PCDH15: variants seen among roughly 807,000 people sequenced by gnomAD.
PCDH15 encodes protocadherin-15.
In PCDH15, 129 loss-of-function variants were observed where a neutral mutation model predicts 178.5. The ratio of observed to expected loss-of-function variants is 0.72; its 90% CI spans 0.63 to 0.84. The LOEUF is 0.84. Ranked by LOEUF, PCDH15 falls within the 40% of genes least tolerant of loss-of-function variation. The pLI is 0.00. For synonymous variants in PCDH15, 800 were observed against 732.0 expected, an observed-to-expected ratio of 1.09 and a Z score of -1.50; for missense variants, 2,230 against 2,099.9, an observed-to-expected ratio of 1.06 and a Z score of -1.21.
chr10:55,331,731 C>G (rs1844204581), intron 2 of PCDH15, among the ~76,000 whole-genome samples: 2 of 152,132 alleles, frequency 1.3e-5, no homozygotes, highest in African/African-American at 4.8e-5. Flanking sequence ...AAAGAGTGGC[C>G]TTTGTGAACA....
intron 18 of PCDH15, among the ~76,000 whole-genome samples, chr10:54,035,010 A>G (rs568249031): frequency 2.0e-4 from 31 of 152,012 alleles, no homozygotes; most frequent in African/African-American, 7.5e-4. Flanking sequence ...CTTCATTTGG[A>G]TGCCATTCCT....
At chr10:54,146,950 G>GTATATATATAATGTATATATATAGTGTA (rs2044010196) in intron 14 of PCDH15, among the ~76,000 whole-genome samples, 1 of 78,472 alleles carries the variant, frequency 1.3e-5, no homozygotes, top group Non-Finnish European at 2.4e-5. Flanking sequence ...TATATATAGT[G>GTATATATATAATGTATATATATAGTGTA]TATATATATA....
intron 15 of PCDH15, among the ~76,000 whole-genome samples, chr10:54,095,564 A>G (rs1031883106): frequency 3.9e-5 from 6 of 152,156 alleles, no homozygotes. Flanking sequence ...GCCATAAAAC[A>G]GCTCTTTTTC....
At chr10:54,135,933 A>T (rs2042866854) in intron 14 of PCDH15, among the ~76,000 whole-genome samples, 1 of 152,220 alleles carries the variant, frequency 6.6e-6, no homozygotes, top group Non-Finnish European at 1.5e-5. Flanking sequence ...GTACATGTAT[A>T]CATATATATG....
At chr10:55,508,953 G>GCAAA (rs1554879049) in intron 2 of PCDH15, among the ~76,000 whole-genome samples, 4 of 150,976 alleles carry the variant, frequency 2.6e-5, no homozygotes, top group Non-Finnish European at 5.9e-5. Context: ...GCAAAGCAAA[G>GCAAA]CAAAACAAAA....
At chr10:55,251,450 A>G (rs1191004065) in intron 1 of PCDH15, among the ~76,000 whole-genome samples, 1 of 152,190 alleles carries the variant, frequency 6.6e-6, no homozygotes, top group African/African-American at 2.4e-5. Context: ...TGCTATAGGA[A>G]ATAATATAAT....
At chr10:55,054,725 G>C (rs1841254076) in intron 2 of PCDH15, among the ~76,000 whole-genome samples, 1 of 152,094 alleles carries the variant, frequency 6.6e-6, no homozygotes, top group African/African-American at 2.4e-5. Flanking sequence ...GTGTTAGATG[G>C]CATCTCATTG....
intron 8 of PCDH15, among the ~76,000 whole-genome samples, chr10:54,276,125 A>G (rs1051035516): frequency 4.0e-5 from 6 of 151,714 alleles, no homozygotes; most frequent in Middle Eastern, 3.2e-3. Context: ...AGAAAGCAAA[A>G]CCCATAAAGA....
intron 15 of PCDH15, among the ~76,000 whole-genome samples, chr10:54,093,263 T>C (rs1488918470): frequency 6.6e-6 from 1 of 152,164 alleles, no homozygotes; most frequent in African/African-American, 2.4e-5. Context: ...GACTTAGGAT[T>C]TAAAAGAAAA....
chr10:55,081,106 C>T (rs1785971175), intron 2 of PCDH15, among the ~76,000 whole-genome samples: 1 of 152,108 alleles, frequency 6.6e-6, no homozygotes, highest in Non-Finnish European at 1.5e-5. Flanking sequence ...GTCAGGATTG[C>T]AGCCGTCAAT....
At chr10:54,530,358 G>C (rs151287445) in intron 2 of PCDH15, among the ~76,000 whole-genome samples, 1 of 152,092 alleles carries the variant, frequency 6.6e-6, no homozygotes, top group African/African-American at 2.4e-5. Flanking sequence ...TGTCATTCTA[G>C]ATTAAGTCCT....
At chr10:54,269,441 A>G (rs1363540928) in intron 8 of PCDH15, among the ~76,000 whole-genome samples, 1 of 151,988 alleles carries the variant, frequency 6.6e-6, no homozygotes, top group Non-Finnish European at 1.5e-5. Flanking sequence ...AAAAAGATGA[A>G]AAACAATTGA....
At chr10:54,938,002 A>G (rs1373243373) in intron 2 of PCDH15, among the ~76,000 whole-genome samples, 1 of 152,050 alleles carries the variant, frequency 6.6e-6, no homozygotes, top group Non-Finnish European at 1.5e-5. Context: ...CTTCTTCAGT[A>G]TGAGAAAGTT....
intron 2 of PCDH15, among the ~76,000 whole-genome samples, chr10:55,089,584 C>T (rs11004733): frequency 0.029 from 4,430 of 151,992 alleles, 88 homozygotes; most frequent in Non-Finnish European, 0.042. Flanking sequence ...AAACAAATTC[C>T]GCTTCTTACA....
At chr10:54,517,198 T>A (rs1237158703) in intron 3 of PCDH15, among the ~76,000 whole-genome samples, 2 of 152,078 alleles carry the variant, frequency 1.3e-5, no homozygotes, top group Non-Finnish European at 2.9e-5. Context: ...ATGATCAAAT[T>A]CACACATAAC....
chr10:53,894,852 C>T (rs887703073), intron 26 of PCDH15, among the ~76,000 whole-genome samples: 1 of 152,104 alleles, frequency 6.6e-6, no homozygotes, highest in African/African-American at 2.4e-5. Flanking sequence ...TAAAGTCTCA[C>T]AGAGAGATAA....
chr10:53,837,862 T>G (rs892566886), intron 29 of PCDH15, among the ~76,000 whole-genome samples: 3 of 152,040 alleles, frequency 2.0e-5, no homozygotes, highest in Non-Finnish European at 2.9e-5. Context: ...GACCAGTGAC[T>G]CTAAGCTTAC....
intron 1 of PCDH15, among the ~76,000 whole-genome samples, chr10:55,238,893 A>C (rs1054826527): frequency 1.1e-4 from 17 of 152,070 alleles, no homozygotes; most frequent in African/African-American, 4.1e-4. Flanking sequence ...TTGTAAGCAC[A>C]ATTCCACTCT....
At chr10:55,627,043 A>G (rs191801078) in intron 2 of PCDH15, among the ~76,000 whole-genome samples, 2 of 152,298 alleles carry the variant, frequency 1.3e-5, no homozygotes, top group Admixed American at 6.5e-5. Flanking sequence ...AGACAGAAAG[A>G]GAGCTAGAGC....
Sources: allele counts gnomAD v4.1 joint callset (sites outside exome capture counted in the v4.1 genomes callset), GRCh38; gene constraint gnomAD v4.1.1; transcripts MANE v1.5; gene names NCBI Gene and HGNC (gene_info 2026-07-23, HGNC 2026-07-21).